Variants in LRIT3 observed in about 807,000 individuals in gnomAD.
The protein encoded by LRIT3 is leucine rich repeat, Ig-like and transmembrane domains 3.
LRIT3 carries 14 observed loss-of-function variants against 22.6 expected under a neutral mutation model. That is an observed-to-expected ratio of 0.62 (90% CI 0.41 to 0.97). LRIT3 has a LOEUF of 0.97. LRIT3 is among the 50% of genes least tolerant of loss of function. The pLI is 0.00. For missense variants in LRIT3, 783 were observed against 803.0 expected, an observed-to-expected ratio of 0.98 and a Z score of 0.30; for synonymous variants, 306 against 304.5, an observed-to-expected ratio of 1.01 and a Z score of -0.05.
chr4:109,866,926 A>C lies in LRIT3; in HGVS notation c.590-715A>C, dbSNP rs115329491. The stretch of plus-strand genomic sequence containing the variant: ...AGGGAGTATTGAGCAAGTCACCTTC[A>C]TGGTCACCATATATGACATTCATGC... On this transcript the variant is annotated intron_variant, in intron 2 of 3. Transcript: ENST00000594814. 5.1e-3 allele frequency among the ~76,000 whole-genome samples: 771 copies of C among 152,292 alleles called. 9 individuals are homozygous for C. The highest frequency in any genetic ancestry group is 0.018 in the African/African-American group (731 of 41,540).
intron 2 of LRIT3, among the ~76,000 whole-genome samples, chr4:109,863,468 C>T (rs7654752): frequency 0.025 from 3,810 of 152,222 alleles, 130 homozygotes; most frequent in Admixed American, 0.094. Context: ...CGCTTAGTGC[C>T]GTTGTTCTTT....
Position 109,867,876 on chromosome 4 carries a change from T to TA in LRIT3, c.825_826insA (p.Asp276ArgfsTer16), listed in dbSNP as rs1579381514. ...TGGGCAGTAATGTTCTACTGCGGTG[T>TA]GATGCCACTGGCTTCCCCACCCCAC... On this transcript the variant is annotated frameshift_variant, in exon 3 of 4. Coordinates refer to ENST00000594814, the MANE Select transcript of LRIT3 (RefSeq NM_198506.5). LOFTEE classifies it high-confidence loss of function. The TA allele has an allele frequency of 4.3e-6, 7 of 1,614,058 alleles. No homozygotes were observed. In the East Asian group the frequency reaches 1.3e-4, roughly 31 times the overall value.
chr4:109,857,582 C>A (rs552838450), intron 2 of LRIT3, among the ~76,000 whole-genome samples: 1 of 152,272 alleles, frequency 6.6e-6, no homozygotes, highest in South Asian at 2.1e-4. Flanking sequence ...TTTGGAGGGG[C>A]AATCCCTGCC....
intron 2 of LRIT3, among the ~76,000 whole-genome samples, chr4:109,854,120 G>A (rs1734344277): frequency 6.6e-6 from 1 of 152,146 alleles, no homozygotes; most frequent in African/African-American, 2.4e-5. Flanking sequence ...CTAATTCTGT[G>A]AAGAAAGTCA....
rs1443281806 is a variant in LRIT3 at position 109,870,799 on chromosome 4, G to A, written c.*10G>A. 6.4e-7 allele frequency: 1 copy of A among 1,570,852 alleles called. No homozygotes were observed. On this transcript the variant is annotated 3_prime_UTR_variant, in exon 4 of 4. Transcript: ENST00000594814. ...AGAGTATTATTGCTAAGGTTCTGCA[G>A]CTCAGGTGCATGTGAGCTACAAAAC...
At chr4:109,856,547 T>A (rs991796325) in intron 2 of LRIT3, among the ~76,000 whole-genome samples, 3 of 152,188 alleles carry the variant, frequency 2.0e-5, no homozygotes, top group African/African-American at 7.2e-5. Context: ...GCCTCAAAAA[T>A]CTTTTCTTTT....
intron 2 of LRIT3, among the ~76,000 whole-genome samples, chr4:109,857,628 A>G (rs1734435110): frequency 6.6e-6 from 1 of 152,218 alleles, no homozygotes; most frequent in Non-Finnish European, 1.5e-5. Flanking sequence ...AGTTAAATCT[A>G]TGATATAATA....
rs778614880 is a variant in LRIT3, at chr4:109,870,764, G to T, written c.2015G>T (p.Gly672Val). ...VESQVTFKSEGSRPEYYC is the reference protein window; with the variant it reads ...VESQVTFKSEVSRPEYYC ...TCTCAGGTGACTTTTAAAAGTGAAG[G>T]TTCCAGACCAGAGTATTATTGCTAA... The change falls in exon 4 of 4, where the codon GGT (glycine) becomes GTT (valine). Residue 672 changes from glycine to valine, a missense_variant. Gly to Val is a moderately radical substitution (Grantham distance 109). Transcript: ENST00000594814. The T allele has an allele frequency of 1.1e-5, 17 of 1,606,730 alleles. No individual in the cohort carries two copies. The highest frequency in any genetic ancestry group is 3.3e-5 in the South Asian group (3 of 89,936).
chr4:109,866,842 G>A lies in LRIT3; in HGVS notation c.590-799G>A, dbSNP rs1734693207. 2.6e-5 allele frequency among the ~76,000 whole-genome samples: 4 copies of A among 152,218 alleles called. No individual in the cohort carries two copies. The South Asian group carries it at 8.3e-4, about 32-fold the overall frequency. ...AATTCTGAAAGTGAGACATCCTGAA[G>A]ATGCTTGCAACTGGAAGCTGTCCGC... On this transcript the variant is annotated intron_variant, in intron 2 of 3. Coordinates refer to ENST00000594814, the MANE Select transcript of LRIT3 (RefSeq NM_198506.5).
Position 109,867,959 on chromosome 4 carries a change from T to C in LRIT3, c.895+13T>C, listed in dbSNP as rs1447335721. On this transcript the variant is annotated intron_variant, in intron 3 of 3. Transcript: ENST00000594814. The stretch of plus-strand genomic sequence containing the variant: ...GTTAATTATACAGGTATTTTCTTAA[T>C]TCAGCCCCATGATCAAAGGAGTTTA... 6.3e-7 allele frequency: 1 copy of C among 1,597,582 alleles called. No homozygotes were observed. Among genetic ancestry groups the C allele is most frequent in the Admixed American group, 1.7e-5 (1 of 59,372 alleles).
At chr4:109,866,530 T>C (rs1734684819) in intron 2 of LRIT3, among the ~76,000 whole-genome samples, 1 of 152,220 alleles carries the variant, frequency 6.6e-6, no homozygotes, top group Non-Finnish European at 1.5e-5. Flanking sequence ...TTTCGATTCC[T>C]TTATATTTAA....
rs757122094 is a variant in LRIT3 at position 109,870,198 on chromosome 4, A to G, written c.1449A>G (p.Thr483=). ...TGGATCAAACAATGCTTACGGAGAC[A>G]AATGCCGCAATAGAAAACCTCAGGG... ...ALLDQTMLTE[T]NAAIENLRVV... Residue 483 remains threonine, a synonymous_variant, in exon 4 of 4, where the codon ACA becomes ACG. Coordinates refer to ENST00000594814, the MANE Select transcript of LRIT3 (RefSeq NM_198506.5). 3.7e-6 allele frequency: 6 copies of G among 1,614,126 alleles called. No individual in the cohort carries two copies. The Admixed American group carries it at 6.7e-5, about 18-fold the overall frequency.
intron 2 of LRIT3, among the ~76,000 whole-genome samples, chr4:109,852,993 G>A (rs1374022882): frequency 2.6e-5 from 4 of 151,992 alleles, no homozygotes; most frequent in African/African-American, 9.7e-5. Context: ...ATCACTGATG[G>A]GCATTTGGTT....
intron 2 of LRIT3, among the ~76,000 whole-genome samples, chr4:109,857,585 T>C (rs1734434501): frequency 6.6e-6 from 1 of 152,154 alleles, no homozygotes; most frequent in African/African-American, 2.4e-5. Context: ...GGAGGGGCAA[T>C]CCCTGCCCCT....
At chr4:109,865,811 T>A (rs28654391) in intron 2 of LRIT3, among the ~76,000 whole-genome samples, 2,603 of 152,240 alleles carry the variant, frequency 0.017, 86 homozygotes, top group African/African-American at 0.058. Context: ...AGATATCTCA[T>A]GGGGGTGAAG....
intron 2 of LRIT3, chr4:109,865,402 A>T: frequency 8.5e-7 from 1 of 1,171,190 alleles, no homozygotes; most frequent in Non-Finnish European, 1.2e-6. Flanking sequence ...TGGTGGTGAA[A>T]TGGGTTTTTG....
Position 109,867,648 on chromosome 4 carries a change from G to A in LRIT3, c.597G>A (p.Gln199=). 6.2e-7 allele frequency: 1 copy of A among 1,613,488 alleles called. No individual in the cohort carries two copies. The highest frequency in any genetic ancestry group is 1.1e-5 in the South Asian group (1 of 91,022). ...LSPSRIILGL[Q]DNPWFCDCHI... is the part of the protein sequence containing the mutation. ...TCCCACCTTCTGTTTTAGGTCTACA[G>A]GACAATCCTTGGTTCTGTGACTGTC... Residue 199 remains glutamine (Q), a synonymous_variant, in exon 3 of 4, where the codon CAG becomes CAA. Coordinates refer to ENST00000594814, the MANE Select transcript of LRIT3 (RefSeq NM_198506.5).
rs1416674731 is a variant in LRIT3 at position 109,866,401 on chromosome 4, T to G, written c.590-1240T>G. On this transcript the variant is annotated intron_variant, in intron 2 of 3. Transcript: ENST00000594814. ...GCTCCATCTTAGATCCTTCTGAGAT[T>G]TTAGCACAAAATTTTACAGTCACGC... 3.3e-5 allele frequency among the ~76,000 whole-genome samples: 5 copies of G among 152,184 alleles called. No homozygotes were observed. The South Asian group carries it at 6.2e-4, about 19-fold the overall frequency.
Position 109,872,082 on chromosome 4 carries a change from C to A in LRIT3, c.*1293C>A, listed in dbSNP as rs1734851429. 1 of 152,162 alleles carries A rather than the reference C, an allele frequency of 6.6e-6. No individual in the cohort carries two copies. The highest frequency in any genetic ancestry group is 2.1e-4 in the South Asian group (1 of 4,830). 9.4% of individuals were successfully genotyped at this position (152,162 alleles called of 1,614,324 possible). A position where few individuals can be genotyped will look rare whatever the true frequency, so the allele number is the denominator to read the frequency against. On this transcript the variant is annotated 3_prime_UTR_variant, in exon 4 of 4. Transcript: ENST00000594814. ...AACTTTCATAAATTTTAGAACAAAG[C>A]CTAACCTTACTAGATTAAACTTGCT...
Sources: allele counts gnomAD v4.1 joint callset (sites outside exome capture counted in the v4.1 genomes callset), GRCh38; gene constraint gnomAD v4.1.1; transcripts MANE v1.5; gene names NCBI Gene and HGNC (gene_info 2026-07-23, HGNC 2026-07-21).